PDE1C: variants seen among roughly 807,000 people sequenced by gnomAD.
The protein encoded by PDE1C is phosphodiesterase 1C.
PDE1C carries 62 observed loss-of-function variants against 93.1 expected under a neutral mutation model. That is an observed-to-expected ratio of 0.67 (90% CI 0.54 to 0.82). The LOEUF is 0.82. Ranked by LOEUF, PDE1C falls within the 40% of genes least tolerant of loss-of-function variation. PDE1C has a pLI of 0.00. For synonymous variants in PDE1C, 325 were observed against 310.1 expected (o/e 1.05, Z -0.50); for missense variants, 742 against 884.6 (o/e 0.84, Z 2.04).
At chr7:32,200,330 A>G (rs1804920315) in intron 2 of PDE1C, among the ~76,000 whole-genome samples, 1 of 152,204 alleles carries the variant, frequency 6.6e-6, no homozygotes, top group Non-Finnish European at 1.5e-5. Context: ...TGATTCTGCC[A>G]TTAGTAGCCC....
At chr7:31,675,052 C>A in the PDE1C span, among the ~76,000 whole-genome samples, 1 of 152,172 alleles carries the variant, frequency 6.6e-6, no homozygotes, top group African/African-American at 2.4e-5. Flanking sequence ...TCAAGCAAGA[C>A]CATAGAGAGC....
At chr7:32,399,386 T>C (rs1450468984) in intron 1 of PDE1C, among the ~76,000 whole-genome samples, 1 of 152,142 alleles carries the variant, frequency 6.6e-6, no homozygotes, top group Non-Finnish European at 1.5e-5. Context: ...AACAGAAATT[T>C]ATTTTCTCAT....
At chr7:32,324,769 C>T (rs1292206917) in intron 1 of PDE1C, among the ~76,000 whole-genome samples, 1 of 152,144 alleles carries the variant, frequency 6.6e-6, no homozygotes, top group African/African-American at 2.4e-5. Flanking sequence ...GGCTACATAG[C>T]AAGACCTCAT....
chr7:31,789,793 A>C lies in PDE1C; in HGVS notation c.1892-14061T>G, dbSNP rs143217960. 3.5e-4 allele frequency: 350 copies of C among 989,864 alleles called. 5 individuals carry two copies. The East Asian group carries it at 0.032, about 91-fold the overall frequency. 61.3% of individuals were successfully genotyped at this position (989,864 alleles called of 1,614,324 possible). On this transcript the variant is annotated intron_variant, in intron 16 of 17. Coordinates refer to ENST00000396191, the MANE Select transcript of PDE1C (RefSeq NM_001191057.4). Reference sequence around the variant, plus strand: ...GGCTGTATCATCAGTAGCCAGTGCAAAAATGACAACATTTAAAGTAACGGC... The same window carrying C: ...GGCTGTATCATCAGTAGCCAGTGCACAAATGACAACATTTAAAGTAACGGC...
chr7:32,276,318 T>C (rs925064173), intron 1 of PDE1C, among the ~76,000 whole-genome samples: 1 of 152,168 alleles, frequency 6.6e-6, no homozygotes, highest in Non-Finnish European at 1.5e-5. Flanking sequence ...TTTGAATGAG[T>C]GTGCATTTCT....
intron 2 of PDE1C, among the ~76,000 whole-genome samples, chr7:31,933,945 A>C (rs1278153798): frequency 6.6e-6 from 1 of 152,220 alleles, no homozygotes; most frequent in Non-Finnish European, 1.5e-5. Flanking sequence ...TCTTTATAGC[A>C]ATGTGAGAAT....
At chr7:31,721,306 C>T in the PDE1C span, among the ~76,000 whole-genome samples, 5 of 152,198 alleles carry the variant, frequency 3.3e-5, no homozygotes, top group Non-Finnish European at 7.3e-5. Context: ...TGGAGCAGCA[C>T]TGATAATAGA....
At chr7:31,880,286 C>T (rs111552376) in intron 3 of PDE1C, among the ~76,000 whole-genome samples, 550 of 152,220 alleles carry the variant, frequency 3.6e-3, no homozygotes, top group African/African-American at 0.012. Context: ...AGTAAATCAG[C>T]GACATACGTA....
chr7:31,865,544 CA>C (rs1486885950), intron 6 of PDE1C, among the ~76,000 whole-genome samples: 1 of 152,098 alleles, frequency 6.6e-6, no homozygotes, highest in Non-Finnish European at 1.5e-5. Flanking sequence ...CTGAGGAATT[CA>C]AAAATAATAC....
intron 1 of PDE1C, among the ~76,000 whole-genome samples, chr7:32,374,831 TTAC>T (rs1784407972): frequency 1.3e-5 from 2 of 152,336 alleles, no homozygotes; most frequent in African/African-American, 4.8e-5. Flanking sequence ...ATCTCTGATA[TTAC>T]AAGAATTCAA....
chr7:32,334,992 G>T (rs1162370301), intron 1 of PDE1C, among the ~76,000 whole-genome samples: 1 of 151,946 alleles, frequency 6.6e-6, no homozygotes, highest in Non-Finnish European at 1.5e-5. Flanking sequence ...TCTAAGCAAA[G>T]ATTTGTAAAA....
At chr7:32,415,266 C>T (rs537465675) in intron 1 of PDE1C, among the ~76,000 whole-genome samples, 110 of 152,160 alleles carry the variant, frequency 7.2e-4, no homozygotes, top group African/African-American at 1.4e-3. Flanking sequence ...ACCTGGACAA[C>T]GTAGCGAAAC....
chr7:32,067,973 A>G (rs1300888883), intron 1 of PDE1C, among the ~76,000 whole-genome samples: 2 of 152,198 alleles, frequency 1.3e-5, no homozygotes, highest in African/African-American at 2.4e-5. Context: ...TCAACAATAA[A>G]TTAAATACGG....
the PDE1C span, among the ~76,000 whole-genome samples, chr7:31,663,766 T>C: frequency 6.6e-6 from 1 of 152,220 alleles, no homozygotes; most frequent in East Asian, 1.9e-4. Flanking sequence ...TGCTGACACT[T>C]GCTTACCATG....
At chr7:32,421,728 C>CTATTTAAATTTAATAAGTAAAAAG (rs1785436262) in intron 1 of PDE1C, among the ~76,000 whole-genome samples, 1 of 152,150 alleles carries the variant, frequency 6.6e-6, no homozygotes, top group Non-Finnish European at 1.5e-5. Context: ...ATTCCCTTCC[C>CTATTTAAATTTAATAAGTAAAAAG]TTATTAAAAG....
the PDE1C span, among the ~76,000 whole-genome samples, chr7:31,620,197 AG>A: frequency 2.6e-5 from 4 of 152,262 alleles, no homozygotes; most frequent in South Asian, 6.2e-4. Context: ...ACAAACAAAA[AG>A]ACAGCAGTAA....
chr7:31,951,355 A>G (rs1045689431), intron 2 of PDE1C, among the ~76,000 whole-genome samples: 1 of 152,206 alleles, frequency 6.6e-6, no homozygotes, highest in Admixed American at 6.5e-5. Context: ...AGACTCAAAG[A>G]AGAGTAGGTT....
intron 11 of PDE1C, among the ~76,000 whole-genome samples, chr7:31,832,565 C>T (rs182998158): frequency 6.6e-6 from 1 of 152,196 alleles, no homozygotes; most frequent in Non-Finnish European, 1.5e-5. Context: ...TTTGAATTGT[C>T]CAATTTAAAA....
chr7:31,859,766 A>AC (rs1794457022), intron 7 of PDE1C, among the ~76,000 whole-genome samples: 1 of 152,134 alleles, frequency 6.6e-6, no homozygotes, highest in Non-Finnish European at 1.5e-5. Context: ...CCCAGAGGTA[A>AC]CCACTATCTT....
Sources: allele counts gnomAD v4.1 joint callset (sites outside exome capture counted in the v4.1 genomes callset), GRCh38; gene constraint gnomAD v4.1.1; transcripts MANE v1.5; gene names NCBI Gene and HGNC (gene_info 2026-07-23, HGNC 2026-07-21).